The following IRAG2 variants were observed in gnomAD, a reference collection of about 807,000 sequenced individuals.
IRAG2 encodes the protein lymphoid restricted membrane protein.
IRAG2 carries 45 observed loss-of-function variants against 69.9 expected under a neutral mutation model. That is an observed-to-expected ratio of 0.64 (90% CI 0.51 to 0.83). The LOEUF (loss-of-function observed/expected upper bound fraction) is 0.83, where lower values mean the gene tolerates loss of function less well. IRAG2 is among the 40% of genes least tolerant of loss of function. The probability of loss-of-function intolerance (pLI) is 0.00; values close to 1 mark genes in which losing one functional copy is unlikely to be tolerated. For missense variants in IRAG2, 520 were observed against 587.0 expected (o/e 0.89, Z 1.18); for synonymous variants, 193 against 202.4 (o/e 0.95, Z 0.40).
In IRAG2 at chr12:25,090,070, G is replaced by T; in HGVS notation, c.479G>T (p.Arg160Ile). The change falls in exon 14 of 22, where the codon AGA becomes ATA. Residue 160 changes from arginine (R) to isoleucine (I), a missense_variant. By Grantham distance (97) the Arg-to-Ile change is moderately conservative. Transcript: ENST00000556887. ...TTTTGACAACAGGCAGAATTTCTCA[G>T]ATTATCTTTGGGATTTAAGTGTGAC... ...NEKEVEAEFL[R>I]LSLGFKCDWF... 1.2e-6 allele frequency: 2 copies of T among 1,613,860 alleles called. No individual in the cohort carries two copies.
intron 2 of IRAG2, among the ~76,000 whole-genome samples, chr12:25,009,189 C>T (rs1565524826): frequency 6.6e-6 from 1 of 152,016 alleles, no homozygotes. Context: ...GCCTGTAATC[C>T]CAGCTACTCA....
intron 12 of IRAG2, among the ~76,000 whole-genome samples, chr12:25,032,753 T>G (rs1371282557): frequency 6.6e-6 from 1 of 152,188 alleles, no homozygotes; most frequent in African/African-American, 2.4e-5. Flanking sequence ...CTTTGGCTTC[T>G]TCTTATAAGG....
At chr12:25,026,941 C>G in intron 9 of IRAG2, 4 of 654,766 alleles carry the variant, frequency 6.1e-6, no homozygotes, top group Non-Finnish European at 8.7e-6. Context: ...ATGTCTATGC[C>G]TCATTGACAA....
Position 25,102,317 on chromosome 12 carries a change from C to T in IRAG2, c.933+76C>T, listed in dbSNP as rs1351089224. On this transcript the variant is annotated intron_variant, in intron 17 of 21. Coordinates refer to ENST00000556887, the MANE Select transcript of IRAG2 (RefSeq NM_001366544.2). Reference sequence around the variant, plus strand: ...TTAAAATGTTATTTGAAGTTTCAGGCCTTTATATGTAAATAACAAAATAGT... The same window carrying T: ...TTAAAATGTTATTTGAAGTTTCAGGTCTTTATATGTAAATAACAAAATAGT... 30 of 1,125,480 alleles carry T rather than the reference C, an allele frequency of 2.7e-5. No homozygotes were observed. In the East Asian group the frequency reaches 6.6e-4, roughly 25 times the overall value. The allele number at this position is 1,125,480 out of a possible 1,614,324, so 69.7% of individuals were successfully genotyped here. A position where few individuals can be genotyped will look rare whatever the true frequency, so the allele number is the denominator to read the frequency against.
intron 14 of IRAG2, 35 bp from the exon 15 acceptor site, chr12:25,096,875 G>GT (rs1370741688): frequency 1.3e-6 from 2 of 1,572,906 alleles, no homozygotes; most frequent in Admixed American, 3.8e-5. Flanking sequence ...GAATGCTTGT[G>GT]TTAGATATCT....
At position 25,089,747 on chromosome 12, in the gene IRAG2, T is replaced by C. The variant is rs1256643780; in HGVS notation, c.438-16T>C. ...GTTGGATTATGTTTAAATATGTTTT[T>C]TGTCTTATCCTACAGCACTTCTGCT... On this transcript the variant is annotated splice_polypyrimidine_tract_variant and intron_variant, in intron 12 of 21. Transcript: ENST00000556887. 1.2e-6 allele frequency: 2 copies of C among 1,613,212 alleles called. No individual in the cohort carries two copies. The highest frequency in any genetic ancestry group is 2.7e-5 in the African/African-American group (2 of 74,910).
In IRAG2 at chr12:25,079,395, C is replaced by T; in HGVS notation, c.72-3C>T. 6.2e-7 allele frequency: 1 copy of T among 1,612,838 alleles called. No homozygotes were observed. The highest frequency in any genetic ancestry group is 1.1e-5 in the South Asian group (1 of 91,048). On this transcript the variant is annotated splice_polypyrimidine_tract_variant and splice_region_variant and intron_variant, in intron 7 of 21. Coordinates refer to ENST00000556887, the MANE Select transcript of IRAG2 (RefSeq NM_001366544.2). Reference sequence around the variant, plus strand: ...CAAAACATGTTTGCTATCTTTTTGGCAGGGAATATTCCTCACTACCATTAC... The same window carrying T: ...CAAAACATGTTTGCTATCTTTTTGGTAGGGAATATTCCTCACTACCATTAC...
Position 25,018,193 on chromosome 12 carries a change from C to CTTTTT in IRAG2, c.1214+917_1214+921dup, listed in dbSNP as rs56659655. ...GAGTGGAAATGTTTCTTTCTTTCTT[C>CTTTTT]TTTTTTTTTTTTTTTTTTTTGGAGA... is the stretch of plus-strand genomic sequence containing the variant. On this transcript the variant is annotated intron_variant, in intron 6 of 38. Coordinates refer to the IRAG2 transcript ENST00000636465. Among the ~76,000 whole-genome samples the CTTTTT allele has an allele frequency of 4.1e-3, 435 of 105,270 alleles. 8 individuals carry two copies. The highest frequency in any genetic ancestry group is 5.5e-3 in the Non-Finnish European group (305 of 55,454). 69.1% of individuals were successfully genotyped at this position (105,270 alleles called of 152,430 possible). A position where few individuals can be genotyped will look rare whatever the true frequency, so the allele number is the denominator to read the frequency against.
intron 15 of IRAG2, among the ~76,000 whole-genome samples, chr12:25,099,214 C>A (rs1948603145): frequency 6.6e-6 from 1 of 152,126 alleles, no homozygotes; most frequent in Non-Finnish European, 1.5e-5. Context: ...CTCAACAGTT[C>A]CACTTGGATG....
intron 3 of IRAG2, among the ~76,000 whole-genome samples, chr12:25,013,517 A>C (rs2139823916): frequency 6.6e-6 from 1 of 152,302 alleles, no homozygotes; most frequent in South Asian, 2.1e-4. Context: ...CTCTTTGAGA[A>C]GTAATGTAAC....
chr12:25,087,498 C>T (rs886911512), intron 10 of IRAG2, among the ~76,000 whole-genome samples: 2 of 152,110 alleles, frequency 1.3e-5, no homozygotes, highest in African/African-American at 4.8e-5. Flanking sequence ...ACTTGTTTAT[C>T]TATCTCATTT....
chr12:25,069,308 G>GT, intron 5 of IRAG2, 42 bp from the exon 6 acceptor site: 1 of 923,596 alleles, frequency 1.1e-6, no homozygotes, highest in Non-Finnish European at 1.8e-6. Flanking sequence ...AAGATTTGCA[G>GT]TTTTTTCACC....
intron 1 of IRAG2, among the ~76,000 whole-genome samples, chr12:25,057,221 T>TAGGA (rs1010957876): frequency 4.0e-5 from 6 of 148,722 alleles, no homozygotes; most frequent in African/African-American, 1.5e-4. Context: ...TACATACAGA[T>TAGGA]AGGTAGGTAG....
chr12:25,079,579 T>C, intron 8 of IRAG2, 77 bp from the exon 9 acceptor site: 1 of 1,274,718 alleles, frequency 7.8e-7, no homozygotes, highest in Non-Finnish European at 1.1e-6. Flanking sequence ...AATACTCCTT[T>C]TGCATAGTAT....
intron 8 of IRAG2, 35 bp from the exon 9 acceptor site, chr12:25,079,621 A>G (rs1294868546): frequency 2.2e-6 from 3 of 1,339,442 alleles, no homozygotes; most frequent in African/African-American, 2.9e-5. Flanking sequence ...TATTATGTGC[A>G]TAGTATTCGC....
At chr12:25,013,673 AGTC>A (rs1029761604) in intron 3 of IRAG2, among the ~76,000 whole-genome samples, 1 of 152,166 alleles carries the variant, frequency 6.6e-6, no homozygotes, top group African/African-American at 2.4e-5. Flanking sequence ...CTAAAATACT[AGTC>A]ATTTAAAGTA....
intron 1 of IRAG2, among the ~76,000 whole-genome samples, chr12:25,053,272 C>T (rs1356238065): frequency 6.6e-6 from 1 of 150,590 alleles, no homozygotes; most frequent in Admixed American, 6.7e-5. Flanking sequence ...ATCTAGTATG[C>T]ATGGTATATT....
At position 25,103,841 on chromosome 12, in the gene IRAG2, C is replaced by T; in HGVS notation, c.938C>T (p.Ser313Phe). The change falls in exon 18 of 22, where the codon TCT becomes TTT. Residue 313 changes from serine (S) to phenylalanine (F), a missense_variant. Coordinates refer to ENST00000556887, the MANE Select transcript of IRAG2 (RefSeq NM_001366544.2). ...ACATTTTCCTCCTTCTGGTAGCCAT[C>T]TTCTCTACGAAGAGTGACTATTGCC... is the stretch of plus-strand genomic sequence containing the variant. ...KRSASLNSKPSSLRRVTIASL... is the reference protein window; with the variant it reads ...KRSASLNSKPFSLRRVTIASL... 6.2e-7 allele frequency: 1 copy of T among 1,610,940 alleles called. No homozygotes were observed. Among genetic ancestry groups the T allele is most frequent in the Non-Finnish European group, 8.5e-7 (1 of 1,177,612 alleles).
At chr12:25,050,172 ATGTAGAGATATT>A (rs1391229440), upstream of IRAG2, among the ~76,000 whole-genome samples, 5 of 151,552 alleles carry the variant, frequency 3.3e-5, no homozygotes, top group African/African-American at 1.2e-4. Context: ...GTTGGTGAGG[ATGTAGAGATATT>A]GGAGTCCTAG....
Sources: allele counts gnomAD v4.1 joint callset (sites outside exome capture counted in the v4.1 genomes callset), GRCh38; gene constraint gnomAD v4.1.1; transcripts MANE v1.5; gene names NCBI Gene and HGNC (gene_info 2026-07-23, HGNC 2026-07-21).